Variants in SACS observed in about 807,000 individuals in gnomAD.
The protein encoded by SACS is sacsin.
In SACS, 197 loss-of-function variants were observed where a neutral mutation model predicts 348.0. The ratio of observed to expected loss-of-function variants is 0.57; its 90% CI spans 0.50 to 0.64. SACS has a LOEUF of 0.64. Ranked by LOEUF, SACS falls within the 30% of genes least tolerant of loss-of-function variation. The pLI, the probability that SACS is intolerant of heterozygous loss-of-function variation, is 0.00. For missense variants in SACS, 4,999 were observed against 5,360.8 expected (o/e 0.93, Z 2.11); for synonymous variants, 1,985 against 1,910.6 (o/e 1.04, Z -1.02).
intron 1 of SACS, among the ~76,000 whole-genome samples, chr13:23,433,283 C>T (rs1225747088): frequency 6.6e-6 from 1 of 152,142 alleles, no homozygotes; most frequent in Non-Finnish European, 1.5e-5. Flanking sequence ...GCGGCTAGTC[C>T]AGCATCTTGA....
chr13:23,398,130 G>T (rs530948745), intron 2 of SACS, among the ~76,000 whole-genome samples: 24 of 152,144 alleles, frequency 1.6e-4, no homozygotes, highest in Non-Finnish European at 2.8e-4. Flanking sequence ...GGTGGAGGTT[G>T]CAGTGAGCCA....
chr13:23,416,651 G>A (rs914835872), intron 1 of SACS, among the ~76,000 whole-genome samples: 10 of 151,796 alleles, frequency 6.6e-5, no homozygotes, highest in Non-Finnish European at 8.8e-5. Context: ...CAGCTACTCG[G>A]GAGGCTGAGG....
intron 7 of SACS, among the ~76,000 whole-genome samples, chr13:23,356,318 C>A (rs1593146394): frequency 6.6e-6 from 1 of 152,324 alleles, no homozygotes; most frequent in South Asian, 2.1e-4. Flanking sequence ...TTAACCCCCA[C>A]CACCATGTGA....
chr13:23,386,479 T>G (rs1009333910), intron 2 of SACS, among the ~76,000 whole-genome samples: 10 of 152,356 alleles, frequency 6.6e-5, no homozygotes, highest in Admixed American at 1.3e-4. Flanking sequence ...TGGAGAGAGT[T>G]AGACCTTTGT....
chr13:23,375,263 G>A lies in SACS; in HGVS notation c.27C>T (p.Val9=). The A allele has an allele frequency of 6.8e-7, 1 of 1,472,558 alleles. No individual in the cohort carries two copies. Among genetic ancestry groups the A allele is most frequent in the Non-Finnish European group, 9.0e-7 (1 of 1,108,302 alleles). The allele number at this position is 1,472,558 out of a possible 1,614,324, so 91.2% of individuals were successfully genotyped here. Residue 9 remains valine, a synonymous_variant, in exon 3 of 10, where the codon GTC becomes GTT. Coordinates refer to ENST00000382292, the MANE Select transcript of SACS (RefSeq NM_014363.6). METKENRW[V]PVTVLPGCVG... ...CGCAGCCGGGGAGCACGGTCACCGG[G>A]ACCCACCTGTGGAAAGCAGAGGGAC... is the stretch of plus-strand genomic sequence containing the variant.
chr13:23,340,363 C>T lies in SACS; in HGVS notation c.3513G>A (p.Leu1171=), dbSNP rs1254853262. The T allele has an allele frequency of 6.2e-7, 1 of 1,613,916 alleles. No homozygotes were observed. The highest frequency in any genetic ancestry group is 8.5e-7 in the Non-Finnish European group (1 of 1,179,936). ...KERPPNYPGS[L]VWKGDLCNLC... is the part of the protein sequence containing the mutation. ...GATTACAGAGATCTCCTTTCCAGAC[C>T]AAAGAGCCTGGATAATTTGGAGGCC... The change falls in exon 10 of 10, where the codon TTG becomes TTA. Residue 1171 remains leucine (L), a synonymous_variant. Transcript: ENST00000382292.
intron 1 of SACS, among the ~76,000 whole-genome samples, chr13:23,429,432 G>A (rs1366206882): frequency 7.7e-6 from 1 of 130,556 alleles, no homozygotes; most frequent in Non-Finnish European, 1.5e-5. Context: ...GTGCGATATC[G>A]GCTCACTGCA....
rs1158086714 is a variant in SACS, at chr13:23,335,084, T to G, written c.8792A>C (p.Lys2931Thr). Residue 2931 changes from lysine to threonine, a missense_variant, in exon 10 of 10, where the codon AAA (lysine) becomes ACA (threonine). Around this residue, in one of 6 missense-constraint regions of SACS, gnomAD observed 734 missense variants for 694.0 expected, o/e 1.06. Transcript: ENST00000382292. The surrounding 1 kb of genome is among the most constrained non-coding windows in gnomAD (Gnocchi z 4.7). ...AYVELLIQLKKRYFPGSDPTL... is the reference protein window; with the variant it reads ...AYVELLIQLKTRYFPGSDPTL... ...TGGATCAGAACCAGGGAAATACCGT[T>G]TTTTTAACTGTATTAGCAATTCAAC... 6.2e-6 allele frequency: 10 copies of G among 1,613,656 alleles called. 2 individuals carry two copies. In the South Asian group the frequency reaches 1.1e-4, roughly 18 times the overall value.
chr13:23,393,032 G>C (rs1872588432), intron 2 of SACS, among the ~76,000 whole-genome samples: 2 of 152,270 alleles, frequency 1.3e-5, no homozygotes, highest in South Asian at 2.1e-4. Flanking sequence ...ACAAGTTGCA[G>C]TCACCTTGGG....
chr13:23,336,877 A>G lies in SACS; in HGVS notation c.6999T>C (p.Thr2333=), dbSNP rs1414703183. The G allele has an allele frequency of 6.2e-7, 1 of 1,613,512 alleles. No homozygotes were observed. The highest frequency in any genetic ancestry group is 8.5e-7 in the Non-Finnish European group (1 of 1,179,558). ...TTAACTTATCAATAATTGACATCTTAGTGATTTCATTTTGCATCAAGGCTT... is the reference window on the plus strand; with the variant it reads ...TTAACTTATCAATAATTGACATCTTGGTGATTTCATTTTGCATCAAGGCTT... ...LHEALMQNEI[T]KMSIIDKLKP... Residue 2333 remains threonine (T), a synonymous_variant, in exon 10 of 10, where the codon ACT becomes ACC. Transcript: ENST00000382292.
In SACS at chr13:23,329,366, G is replaced by A. The variant is rs1307811017; in HGVS notation, c.*770C>T. 5.5e-6 allele frequency: 4 copies of A among 723,430 alleles called. No homozygotes were observed. The highest frequency in any genetic ancestry group is 1.0e-5 in the Non-Finnish European group (4 of 394,710). The allele number at this position is 723,430 out of a possible 1,614,324, so 44.8% of individuals were successfully genotyped here. The stretch of plus-strand genomic sequence containing the variant: ...ATGTACACACAAACATAAAGCAAGT[G>A]TTCTAACAGTTAATAAATGTTGTCT... On this transcript the variant is annotated 3_prime_UTR_variant, in exon 10 of 10. Coordinates refer to ENST00000382292, the MANE Select transcript of SACS (RefSeq NM_014363.6).
At position 23,331,561 on chromosome 13, in the gene SACS, A is replaced by C. The variant is rs1456317560; in HGVS notation, c.12315T>G (p.Thr4105=). ...TCAAATTGTCAGTTGCTGATTTAAG[A>C]GTCATTGCCAATGCTAACAGGAAAT... ...DINFLLALAM[T]LKSATDNLIS... is the part of the protein sequence containing the mutation. Residue 4105 remains threonine, a synonymous_variant, in exon 10 of 10, where the codon ACT becomes ACG. Coordinates refer to ENST00000382292, the MANE Select transcript of SACS (RefSeq NM_014363.6). 1 of 1,613,898 alleles carries C rather than the reference A, an allele frequency of 6.2e-7. No individual in the cohort carries two copies. The highest frequency in any genetic ancestry group is 8.5e-7 in the Non-Finnish European group (1 of 1,179,854).
Position 23,354,522 on chromosome 13 carries a change from G to C in SACS, c.2090C>G (p.Pro697Arg). The change falls in exon 8 of 10, where the codon CCA becomes CGA. Residue 697 changes from proline to arginine, a missense_variant. Physicochemically the swap from Pro to Arg is moderately radical, Grantham distance 103 (BLOSUM62 -2). Around this residue, in one of 6 missense-constraint regions of SACS, gnomAD observed 3,156 missense variants for 3,380.1 expected, o/e 0.93. Transcript: ENST00000382292. ...DVIYITSAEY[P>R]RSLFPSLEGR... ...ATGTTAGAAGGGGGACCCCTACCTT[G>C]GATATTCTGCTGAGGTAATATAAAT... is the stretch of plus-strand genomic sequence containing the variant. 6.2e-7 allele frequency: 1 copy of C among 1,613,724 alleles called. No individual in the cohort carries two copies. The highest frequency in any genetic ancestry group is 1.7e-5 in the Admixed American group (1 of 60,016).
chr13:23,340,988 G>C lies in SACS; in HGVS notation c.2888C>G (p.Ser963Cys). The change falls in exon 10 of 10, where the codon TCT becomes TGT. Residue 963 changes from serine to cysteine, a missense_variant. Physicochemically the swap from Ser to Cys is moderately radical, Grantham distance 112. Around this residue, in one of 6 missense-constraint regions of SACS, gnomAD observed 3,156 missense variants for 3,380.1 expected, o/e 0.93. Coordinates refer to ENST00000382292, the MANE Select transcript of SACS (RefSeq NM_014363.6). The stretch of plus-strand genomic sequence containing the variant: ...ATCACTACTGTCTATTACTGAAATA[G>C]AAAGTCGCAGATCTGCTGGGAGTTT... ...TAKLPADLRL[S>C]ISVIDSSDEA... The C allele has an allele frequency of 3.1e-6, 5 of 1,614,142 alleles. No homozygotes were observed. The highest frequency in any genetic ancestry group is 4.2e-6 in the Non-Finnish European group (5 of 1,179,988).
intron 9 of SACS, among the ~76,000 whole-genome samples, chr13:23,352,437 G>C (rs1870021751): frequency 6.6e-6 from 1 of 152,166 alleles, no homozygotes; most frequent in South Asian, 2.1e-4. Flanking sequence ...CCCTGGAATG[G>C]TCAGACTGAA....
At chr13:23,429,111 C>A (rs1236702839) in intron 1 of SACS, among the ~76,000 whole-genome samples, 1 of 151,980 alleles carries the variant, frequency 6.6e-6, no homozygotes, top group Non-Finnish European at 1.5e-5. Context: ...ATGTGAATAT[C>A]TCAAAGCTGC....
chr13:23,412,427 T>TC (rs1491409864), intron 1 of SACS, among the ~76,000 whole-genome samples: 2 of 109,122 alleles, frequency 1.8e-5, no homozygotes, highest in African/African-American at 3.5e-5. Context: ...TTTTTTTTTT[T>TC]CTCTGAGACA....
chr13:23,335,902 G>C lies in SACS; in HGVS notation c.7974C>G (p.Ala2658=), dbSNP rs148209022. The C allele has an allele frequency of 3.1e-6, 5 of 1,613,154 alleles. No homozygotes were observed. In the African/African-American group the frequency reaches 5.3e-5, roughly 17 times the overall value. The part of the protein sequence containing the change: ...FDPHARYAPG[A]TSISPGRMFR... ...ACATGCGTCCGGGACTAATGGATGT[G>C]GCCCCTGGTGCATATCTGGCATGAG... is the stretch of plus-strand genomic sequence containing the variant. Residue 2658 remains alanine, a synonymous_variant, in exon 10 of 10, where the codon GCC becomes GCG. Coordinates refer to ENST00000382292, the MANE Select transcript of SACS (RefSeq NM_014363.6). The surrounding 1 kb of genome is among the most constrained non-coding windows in gnomAD (Gnocchi z 4.7).
chr13:23,411,266 G>A lies in SACS; in HGVS notation c.-27C>T. 6.3e-7 allele frequency: 1 copy of A among 1,599,338 alleles called. No homozygotes were observed. The highest frequency in any genetic ancestry group is 1.1e-5 in the South Asian group (1 of 90,704). On this transcript the variant is annotated 5_prime_UTR_variant, in exon 2 of 10. Coordinates refer to ENST00000382292, the MANE Select transcript of SACS (RefSeq NM_014363.6). ...ATCACTTCTCCTGGGATATTTGTTT[G>A]TGAAAACCATGAAAGTACGCTTCTT...
Sources: gnomAD v4.1 joint callset for allele counts (sites outside exome capture counted in the v4.1 genomes callset) on GRCh38, gnomAD v4.1.1 for gene constraint, gnomAD v4.1.1 regional missense constraint, Gnocchi (gnomAD v3.1) non-coding constraint, MANE v1.5 for transcripts, NCBI Gene and HGNC (gene_info 2026-07-23, HGNC 2026-07-21) for gene names.